ARB2A: variants seen among roughly 807,000 people sequenced by gnomAD.
ARB2A encodes the protein cotranscriptional regulator ARB2A.
the ARB2A span, among the ~76,000 whole-genome samples, chr5:93,696,331 T>G: frequency 6.6e-6 from 1 of 152,214 alleles, no homozygotes; most frequent in Non-Finnish European, 1.5e-5. Context: ...TCACATGTCC[T>G]GTACTTTCAA....
the ARB2A span, among the ~76,000 whole-genome samples, chr5:93,983,273 GA>G: frequency 6.7e-6 from 1 of 150,138 alleles, no homozygotes; most frequent in Non-Finnish European, 1.5e-5. Context: ...GCTCACTGGA[GA>G]AAAGGCTCAT....
chr5:94,093,053 T>A, the ARB2A span, among the ~76,000 whole-genome samples: 6 of 152,310 alleles, frequency 3.9e-5, no homozygotes, highest in African/African-American at 1.2e-4. Context: ...CTATAACCTT[T>A]CATTTCATCT....
the ARB2A span, among the ~76,000 whole-genome samples, chr5:93,621,517 CG>C: frequency 6.6e-6 from 1 of 152,366 alleles, no homozygotes; most frequent in East Asian, 1.9e-4. Context: ...TCCGCCTCTC[CG>C]GGCCAATGGA....
the ARB2A span, among the ~76,000 whole-genome samples, chr5:94,092,599 G>C: frequency 2.0e-5 from 3 of 151,850 alleles, no homozygotes; most frequent in African/African-American, 7.3e-5. Context: ...TTCCATTTCA[G>C]TTCTGTAAGT....
the ARB2A span, among the ~76,000 whole-genome samples, chr5:94,026,680 A>G: frequency 6.6e-6 from 1 of 152,204 alleles, no homozygotes; most frequent in Non-Finnish European, 1.5e-5. Flanking sequence ...AAGTACGCCA[A>G]ATGGGAAGAC....
the ARB2A span, among the ~76,000 whole-genome samples, chr5:94,000,470 G>C: frequency 6.6e-6 from 1 of 151,896 alleles, no homozygotes; most frequent in African/African-American, 2.4e-5. Context: ...TCTTTAGTGA[G>C]GTGTCTGTTG....
chr5:93,986,541 C>T, the ARB2A span, among the ~76,000 whole-genome samples: 181 of 152,312 alleles, frequency 1.2e-3, no homozygotes, highest in African/African-American at 2.0e-3. Flanking sequence ...TCATTGAGAA[C>T]GGGCCATGAT....
the ARB2A span, among the ~76,000 whole-genome samples, chr5:93,684,419 AT>A: frequency 6.6e-6 from 1 of 152,218 alleles, no homozygotes; most frequent in African/African-American, 2.4e-5. Flanking sequence ...GCTAGCTGTT[AT>A]TATCATTATC....
chr5:93,635,128 C>T, the ARB2A span, among the ~76,000 whole-genome samples: 1 of 152,142 alleles, frequency 6.6e-6, no homozygotes, highest in South Asian at 2.1e-4. Context: ...TAACATAGCA[C>T]TAAACAACAA....
the ARB2A span, among the ~76,000 whole-genome samples, chr5:93,979,948 A>G: frequency 2.6e-5 from 4 of 152,080 alleles, no homozygotes; most frequent in Non-Finnish European, 5.9e-5. Context: ...CTTTAGAGAG[A>G]TTTACCCCAT....
the ARB2A span, among the ~76,000 whole-genome samples, chr5:93,720,898 T>C: frequency 1.1e-4 from 17 of 152,204 alleles, no homozygotes; most frequent in Admixed American, 1.1e-3. Flanking sequence ...CATTGTGTGA[T>C]GCCTAACTAA....
the ARB2A span, among the ~76,000 whole-genome samples, chr5:93,689,089 G>A: frequency 6.6e-6 from 1 of 152,006 alleles, no homozygotes; most frequent in African/African-American, 2.4e-5. Flanking sequence ...ATTTCTCTAG[G>A]GTTATTTCTT....
At chr5:93,715,075 CTA>C in the ARB2A span, among the ~76,000 whole-genome samples, 5 of 152,162 alleles carry the variant, frequency 3.3e-5, no homozygotes, top group East Asian at 9.6e-4. Flanking sequence ...CTTTTACTAT[CTA>C]TAAAAGTGAA....
chr5:93,737,407 G>A, the ARB2A span: 2 of 152,092 alleles, frequency 1.3e-5, no homozygotes, highest in African/African-American at 4.8e-5. Context: ...TCTCAATGGT[G>A]TTTTGGGCAG....
the ARB2A span, among the ~76,000 whole-genome samples, chr5:93,643,257 A>G: frequency 6.6e-6 from 1 of 152,162 alleles, no homozygotes; most frequent in Admixed American, 6.5e-5. Flanking sequence ...AAGCCTAACC[A>G]GGATATGTGC....
chr5:94,051,468 C>T, the ARB2A span, among the ~76,000 whole-genome samples: 18 of 152,226 alleles, frequency 1.2e-4, no homozygotes, highest in South Asian at 1.0e-3. Flanking sequence ...AAGATCTTTA[C>T]GGATAATGAC....
the ARB2A span, among the ~76,000 whole-genome samples, chr5:93,851,902 C>A: frequency 9.2e-5 from 14 of 152,134 alleles, no homozygotes; most frequent in Middle Eastern, 3.4e-3. Flanking sequence ...TGAATAGTGC[C>A]GCAATAAACA....
chr5:94,080,544 G>A, the ARB2A span, among the ~76,000 whole-genome samples: 1 of 152,170 alleles, frequency 6.6e-6, no homozygotes, highest in African/African-American at 2.4e-5. Context: ...TGCTCAGCTA[G>A]AGAGTGCAGT....
chr5:93,830,204 A>G, the ARB2A span, among the ~76,000 whole-genome samples: 1 of 151,196 alleles, frequency 6.6e-6, no homozygotes, highest in Admixed American at 6.6e-5. Flanking sequence ...GATGGTTGGC[A>G]TAACTAACCA....
Sources: allele counts gnomAD v4.1 joint callset (sites outside exome capture counted in the v4.1 genomes callset), GRCh38; gene constraint gnomAD v4.1.1; transcripts MANE v1.5; gene names NCBI Gene and HGNC (gene_info 2026-07-23, HGNC 2026-07-21).